GNG2: variants seen among roughly 807,000 people sequenced by gnomAD.
GNG2 encodes the protein guanine nucleotide-binding protein G(I)/G(S)/G(O) subunit gamma-2.
GNG2 carries 5 observed loss-of-function variants against 5.5 expected under a neutral mutation model. That is an observed-to-expected ratio of 0.91 (90% confidence interval 0.48 to 1.92). GNG2 has a LOEUF of 1.92. Among genes scored for constraint, GNG2 ranks in the 30% most tolerant of loss-of-function variants. GNG2 has a pLI of 0.01. For missense variants in GNG2, 55 were observed against 88.4 expected, an observed-to-expected ratio of 0.62 and a Z score of 1.52; for synonymous variants, 28 against 32.0, an observed-to-expected ratio of 0.88 and a Z score of 0.42.
At chr14:51,859,602 C>T (rs922502475), upstream of GNG2, among the ~76,000 whole-genome samples, 1 of 152,322 alleles carries the variant, frequency 6.6e-6, no homozygotes, top group Middle Eastern at 3.4e-3. Context: ...GCATGACTAT[C>T]ATCAACTATG....
intron 2 of GNG2, among the ~76,000 whole-genome samples, chr14:51,842,454 A>T (rs991577061): frequency 6.6e-6 from 1 of 152,166 alleles, no homozygotes; most frequent in Non-Finnish European, 1.5e-5. Flanking sequence ...TTTCTTTTGC[A>T]GCAGCCGCAG....
rs57080352 is a variant in GNG2, at chr14:51,903,425, T to C, written c.-30+25768T>C. Among the ~76,000 whole-genome samples, 730 of 152,336 alleles carry C rather than the reference T, an allele frequency of 4.8e-3. 6 individuals carry two copies. The highest frequency in any genetic ancestry group is 0.017 in the African/African-American group (686 of 41,570). On this transcript the variant is annotated intron_variant, in intron 2 of 3. Transcript: ENST00000556766. ...GGCAATTTATAGAACATAACTACCA[T>C]GAATAACAAGAATTGATTATATTTA...
At chr14:51,861,942 C>G (rs1015074761) in intron 1 of GNG2, among the ~76,000 whole-genome samples, 1 of 152,110 alleles carries the variant, frequency 6.6e-6, no homozygotes, top group Non-Finnish European at 1.5e-5. Flanking sequence ...AGAGAAAAAA[C>G]TGCTTATAGT....
chr14:51,909,374 A>G (rs1023091079), intron 2 of GNG2, among the ~76,000 whole-genome samples: 1 of 152,348 alleles, frequency 6.6e-6, no homozygotes, highest in East Asian at 1.9e-4. Context: ...TTAAAAATTC[A>G]ACAGATATTG....
intron 1 of GNG2, among the ~76,000 whole-genome samples, chr14:51,866,875 CTTCCTCCTAAGTCAAATTAACATCATCT>C (rs1395617523): frequency 6.6e-6 from 1 of 152,232 alleles, no homozygotes; most frequent in African/African-American, 2.4e-5. Flanking sequence ...TCATTCTCCT[CTTCCTCCTAAGTCAAATTAACATCATCT>C]TTCCTTTAAG....
rs1359464761 is a variant in GNG2, at chr14:51,950,662, A to C, written c.-17A>C. 1 of 1,589,770 alleles carries C rather than the reference A, an allele frequency of 6.3e-7. No homozygotes were observed. The highest frequency in any genetic ancestry group is 8.6e-7 in the Non-Finnish European group (1 of 1,161,780). On this transcript the variant is annotated 5_prime_UTR_variant, in exon 3 of 4. Coordinates refer to ENST00000556766, the MANE Select transcript of GNG2 (RefSeq NM_053064.5). ...TTTTCTTTTCTAGTGTTTCTGAAAG[A>C]TCTATCCAGCACTCCGATGGCCAGC...
At chr14:51,905,887 T>G (rs755400664) in intron 2 of GNG2, among the ~76,000 whole-genome samples, 4 of 152,224 alleles carry the variant, frequency 2.6e-5, no homozygotes, top group Non-Finnish European at 5.9e-5. Context: ...AAGAAGGATG[T>G]GTTTGCTTCC....
In GNG2 at chr14:51,839,660, G is replaced by T. The variant is rs377350220; in HGVS notation, c.64+11853G>T. Reference sequence around the variant, plus strand: ...AAAGGAGTATGAGAGAATTTTAGGGGTGATGCAGCTGTTCTATATCTTGAT... The same window carrying T: ...AAAGGAGTATGAGAGAATTTTAGGGTTGATGCAGCTGTTCTATATCTTGAT... On this transcript the variant is annotated intron_variant, in intron 2 of 3. Transcript: ENST00000553432. Among the ~76,000 whole-genome samples the T allele has an allele frequency of 2.0e-5, 3 of 152,078 alleles. No individual in the cohort carries two copies. In the East Asian group the frequency reaches 5.8e-4, roughly 29 times the overall value.
chr14:51,864,406 G>T (rs1882731154), intron 1 of GNG2, among the ~76,000 whole-genome samples: 1 of 152,124 alleles, frequency 6.6e-6, no homozygotes, highest in Non-Finnish European at 1.5e-5. Context: ...AATTTTTGAA[G>T]AGACATTTGC....
intron 2 of GNG2, among the ~76,000 whole-genome samples, chr14:51,890,357 A>C (rs1033029488): frequency 6.6e-6 from 1 of 152,242 alleles, no homozygotes; most frequent in Non-Finnish European, 1.5e-5. Flanking sequence ...CAAAAATCTT[A>C]CTAGCCAAGG....
At chr14:51,878,012 G>C (rs937093123) in intron 2 of GNG2, 1 of 176,560 alleles carries the variant, frequency 5.7e-6, no homozygotes, top group Non-Finnish European at 1.2e-5. Context: ...AGATGAGGCT[G>C]ATTAGGTCAG....
chr14:51,942,531 C>T (rs1888376347), intron 2 of GNG2, among the ~76,000 whole-genome samples: 1 of 132,408 alleles, frequency 7.6e-6, no homozygotes, highest in Admixed American at 7.5e-5. Flanking sequence ...AGATTGAGTC[C>T]CATTAGAATT....
At position 51,966,971 on chromosome 14, in the gene GNG2, C is replaced by A. The variant is rs1023390532; in HGVS notation, c.*284C>A. 6.1e-5 allele frequency: 11 copies of A among 179,756 alleles called. No homozygotes were observed. Among genetic ancestry groups the A allele is most frequent in the East Asian group, 1.4e-4 (1 of 7,154 alleles). 11.1% of individuals were successfully genotyped at this position (179,756 alleles called of 1,614,324 possible). On this transcript the variant is annotated 3_prime_UTR_variant, in exon 4 of 4. Coordinates refer to ENST00000556766, the MANE Select transcript of GNG2 (RefSeq NM_053064.5). ...TTTCTGCTATCCCCCAGCCCCCCCC[C>A]CAAAATCCTCATGTTTCTGCTTCAT... is the stretch of plus-strand genomic sequence containing the variant.
chr14:51,965,003 G>A (rs1197658733), intron 3 of GNG2, among the ~76,000 whole-genome samples: 1 of 152,174 alleles, frequency 6.6e-6, no homozygotes, highest in African/African-American at 2.4e-5. Context: ...TCAATTAAGA[G>A]GGTTCCTCAT....
At chr14:51,848,177 C>T (rs1376735158) in intron 2 of GNG2, among the ~76,000 whole-genome samples, 1 of 152,072 alleles carries the variant, frequency 6.6e-6, no homozygotes, top group Admixed American at 6.6e-5. Context: ...GAGCCTGAAT[C>T]CAATCTCTCC....
chr14:51,920,092 G>C (rs1445647536), intron 2 of GNG2, among the ~76,000 whole-genome samples: 1 of 152,070 alleles, frequency 6.6e-6, no homozygotes, highest in African/African-American at 2.4e-5. Flanking sequence ...TGTATCTGAG[G>C]GTTCTGCATC....
upstream of GNG2, among the ~76,000 whole-genome samples, chr14:51,858,584 G>T (rs1594843007): frequency 1.3e-5 from 2 of 152,172 alleles, no homozygotes. Flanking sequence ...TACTGTACTT[G>T]AATCTAGAGT....
intron 2 of GNG2, among the ~76,000 whole-genome samples, chr14:51,890,826 C>T (rs1242878243): frequency 1.3e-5 from 2 of 151,870 alleles, no homozygotes; most frequent in Non-Finnish European, 2.9e-5. Context: ...TGGAATGGCC[C>T]CCTGTAACAA....
At chr14:51,926,135 T>C (rs1302947526) in intron 2 of GNG2, among the ~76,000 whole-genome samples, 1 of 152,162 alleles carries the variant, frequency 6.6e-6, no homozygotes, top group Non-Finnish European at 1.5e-5. Flanking sequence ...TTGTCCACTT[T>C]AATTTTTAAA....
Sources: gnomAD v4.1 joint callset for allele counts (sites outside exome capture counted in the v4.1 genomes callset) on GRCh38, gnomAD v4.1.1 for gene constraint, MANE v1.5 for transcripts, NCBI Gene and HGNC (gene_info 2026-07-23, HGNC 2026-07-21) for gene names.